ATP6V1E2: variants seen among roughly 807,000 people sequenced by gnomAD.
ATP6V1E2 encodes the protein ATPase H+ transporting V1 subunit E2, also known as V-type proton ATPase subunit E 2.
For synonymous variants in ATP6V1E2, 121 were observed against 104.2 expected, an observed-to-expected ratio of 1.16 and a Z score of -0.98; for missense variants, 308 against 273.3, an observed-to-expected ratio of 1.13 and a Z score of -0.90.
At chr2:46,528,787 G>A (rs185048720) in intron 4 of ATP6V1E2, among the ~76,000 whole-genome samples, 1 of 152,384 alleles carries the variant, frequency 6.6e-6, no homozygotes, top group East Asian at 1.9e-4. Flanking sequence ...GGATGTTGAT[G>A]AAGAGTTCTG....
chr2:46,538,594 C>T (rs1166460808), intron 2 of ATP6V1E2, among the ~76,000 whole-genome samples: 1 of 151,398 alleles, frequency 6.6e-6, no homozygotes, highest in Admixed American at 6.6e-5. Flanking sequence ...TCACAGATGG[C>T]CTGTTTACTC....
rs7557297 is a variant in ATP6V1E2, at chr2:46,524,571, A to C, written c.-102+11242T>G. Among the ~76,000 whole-genome samples the C allele has an allele frequency of 2.3e-3, 353 of 152,356 alleles. 3 individuals carry two copies. The highest frequency in any genetic ancestry group is 8.0e-3 in the African/African-American group (332 of 41,582). On this transcript the variant is annotated intron_variant, in intron 4 of 4. Transcript: ENST00000522587. ...ATAGGAGAAAAGCATCTGGCACTCA[A>C]AATGGGATGGGATAAGGGGCAGGAA... is the stretch of plus-strand genomic sequence containing the variant.
In ATP6V1E2 at chr2:46,530,257, T is replaced by G. The variant is rs1248864473; in HGVS notation, c.-102+5556A>C. On this transcript the variant is annotated intron_variant, in intron 4 of 4. Transcript: ENST00000522587. This position sits in a 1 kb window ranked among gnomAD's most constrained non-coding sequence, Gnocchi z 5.2. Reference sequence around the variant, plus strand: ...CAGGATGGCGCCAGGAGAGAAGCACTGGGCTGAACAGAAGCTGAGAAGAGG... The same window carrying G: ...CAGGATGGCGCCAGGAGAGAAGCACGGGGCTGAACAGAAGCTGAGAAGAGG... Among the ~76,000 whole-genome samples the G allele has an allele frequency of 1.3e-5, 2 of 152,098 alleles. No homozygotes were observed. Among genetic ancestry groups the G allele is most frequent in the Non-Finnish European group, 2.9e-5 (2 of 68,008 alleles).
chr2:46,522,701 A>T (rs1055500215), intron 4 of ATP6V1E2, among the ~76,000 whole-genome samples: 1 of 152,216 alleles, frequency 6.6e-6, no homozygotes, highest in Non-Finnish European at 1.5e-5. Flanking sequence ...CAATAAACAT[A>T]CATGTGCATG....
chr2:46,516,432 G>C (rs1687713108), intron 4 of ATP6V1E2, among the ~76,000 whole-genome samples: 1 of 152,040 alleles, frequency 6.6e-6, no homozygotes, highest in African/African-American at 2.4e-5. Context: ...AACAACCAAG[G>C]GTTAAAGAAT....
rs1687503311 is a variant in ATP6V1E2, at chr2:46,512,398, A to G, written c.314T>C (p.Ile105Thr). 4 of 1,614,156 alleles carry G rather than the reference A, an allele frequency of 2.5e-6. No homozygotes were observed. The highest frequency in any genetic ancestry group is 2.2e-5 in the East Asian group (1 of 44,878). ...CTGGTAGACCTCTGGGTCCTCCACA[A>G]TCCTGCTGAGTCTCAGCTTCGCCTC... ...LSEAKLRLSRIVEDPEVYQGL... is the reference protein window; with the variant it reads ...LSEAKLRLSRTVEDPEVYQGL... Residue 105 changes from isoleucine to threonine, a missense_variant, in exon 5 of 5, where the codon ATT becomes ACT. Physicochemically the swap from Ile to Thr is moderately conservative, Grantham distance 89. Transcript: ENST00000522587.
intron 4 of ATP6V1E2, among the ~76,000 whole-genome samples, chr2:46,523,595 T>G (rs766711102): frequency 1.3e-5 from 2 of 152,230 alleles, no homozygotes; most frequent in Non-Finnish European, 1.5e-5. Flanking sequence ...CCTATATGTC[T>G]GTTTTGGTAC....
At chr2:46,540,310 T>A (rs1667664703) in intron 2 of ATP6V1E2, among the ~76,000 whole-genome samples, 1 of 151,904 alleles carries the variant, frequency 6.6e-6, no homozygotes, top group Non-Finnish European at 1.5e-5. Context: ...TAATCCCAGC[T>A]ACTTGGAGGC....
rs188540685 is a variant in ATP6V1E2, at chr2:46,531,950, T to C, written c.-102+3863A>G. Reference sequence around the variant, plus strand: ...CTGGATGCTAGAGTCTTATGAGCTATTTAATTTGTAAGTATTTTCTCTCAT... The same window carrying C: ...CTGGATGCTAGAGTCTTATGAGCTACTTAATTTGTAAGTATTTTCTCTCAT... On this transcript the variant is annotated intron_variant, in intron 4 of 4. Coordinates refer to ENST00000522587, the MANE Select transcript of ATP6V1E2 (RefSeq NM_001318063.2). 2.0e-5 allele frequency among the ~76,000 whole-genome samples: 3 copies of C among 152,384 alleles called. No individual in the cohort carries two copies. The East Asian group carries it at 5.8e-4, about 29-fold the overall frequency.
intron 4 of ATP6V1E2, among the ~76,000 whole-genome samples, chr2:46,522,238 C>G (rs575980695): frequency 1.3e-5 from 2 of 149,370 alleles, no homozygotes; most frequent in Non-Finnish European, 1.5e-5. Flanking sequence ...GAACCAAGAC[C>G]GTGCCATTGC....
intron 4 of ATP6V1E2, among the ~76,000 whole-genome samples, chr2:46,520,198 G>A (rs967668570): frequency 2.6e-5 from 4 of 152,218 alleles, no homozygotes; most frequent in Non-Finnish European, 5.9e-5. Context: ...GGGCAGGGCA[G>A]GGTTAAAAGG....
Position 46,512,410 on chromosome 2 carries a change from C to G in ATP6V1E2, c.302G>C (p.Arg101Thr), listed in dbSNP as rs1045584339. ...TGGGTCCTCCACAATCCTGCTGAGT[C>G]TCAGCTTCGCCTCACTGAGCAAATC... ...ISDLLSEAKLRLSRIVEDPEV... is the reference protein window; with the variant it reads ...ISDLLSEAKLTLSRIVEDPEV... Residue 101 changes from arginine to threonine, a missense_variant, in exon 5 of 5, where the codon AGA becomes ACA. Transcript: ENST00000522587. The G allele has an allele frequency of 6.2e-7, 1 of 1,614,172 alleles. No individual in the cohort carries two copies. The highest frequency in any genetic ancestry group is 1.6e-4 in the Middle Eastern group (1 of 6,062).
chr2:46,542,540 TGCGCCGGCAGGGCCGC>T lies in ATP6V1E2; in HGVS notation c.-713_-698del, dbSNP rs1470126645. ...GCCCTCGCAGGGAGTGGGGCTCGGG[TGCGCCGGCAGGGCCGC>T]GCGGCGGCAGCAGGCGGGGGCGCGT... On this transcript the variant is annotated 5_prime_UTR_variant, in exon 1 of 5. Coordinates refer to ENST00000522587, the MANE Select transcript of ATP6V1E2 (RefSeq NM_001318063.2). 6.7e-6 allele frequency: 1 copy of T among 148,492 alleles called. No homozygotes were observed. The highest frequency in any genetic ancestry group is 2.4e-5 in the African/African-American group (1 of 40,912). The allele number at this position is 148,492 out of a possible 1,614,324, so 9.2% of individuals were successfully genotyped here. A position where few individuals can be genotyped will look rare whatever the true frequency, so the allele number is the denominator to read the frequency against.
Position 46,512,357 on chromosome 2 carries a change from G to C in ATP6V1E2, c.355C>G (p.Leu119Val), listed in dbSNP as rs550506430. ...PEVYQGLLDK[L>V]VLQGLLRLLE... ...AGTCGGAGCAGACCCTGGAGCACCA[G>C]TTTATCCAGCAGCCCCTGGTAGACC... The change falls in exon 5 of 5, where the codon CTG becomes GTG. Residue 119 changes from leucine to valine, a missense_variant. Coordinates refer to ENST00000522587, the MANE Select transcript of ATP6V1E2 (RefSeq NM_001318063.2). 1.2e-6 allele frequency: 2 copies of C among 1,614,062 alleles called. No homozygotes were observed. The highest frequency in any genetic ancestry group is 1.7e-6 in the Non-Finnish European group (2 of 1,180,010).
At chr2:46,528,262 C>T (rs1667023828) in intron 4 of ATP6V1E2, among the ~76,000 whole-genome samples, 1 of 152,308 alleles carries the variant, frequency 6.6e-6, no homozygotes, top group Non-Finnish European at 1.5e-5. Context: ...AGAAACACTG[C>T]ACTACAAGTT....
intron 4 of ATP6V1E2, among the ~76,000 whole-genome samples, chr2:46,533,672 T>C (rs1425323274): frequency 6.6e-6 from 1 of 152,252 alleles, no homozygotes; most frequent in Admixed American, 6.5e-5. Flanking sequence ...TTTCTTTGTG[T>C]AGGTCAGTGG....
At chr2:46,527,746 T>C (rs527381902) in intron 4 of ATP6V1E2, 1 of 152,322 alleles carries the variant, frequency 6.6e-6, no homozygotes, top group Non-Finnish European at 1.5e-5. Flanking sequence ...TGTGGTATCA[T>C]TGTGGTTTTG....
intron 2 of ATP6V1E2, among the ~76,000 whole-genome samples, chr2:46,537,192 C>T (rs1446792359): frequency 6.6e-6 from 1 of 152,174 alleles, no homozygotes; most frequent in Admixed American, 6.5e-5. Context: ...CATGCATTCC[C>T]CCAGACTTGT....
intron 2 of ATP6V1E2, chr2:46,537,436 A>C (rs1251625827): frequency 6.6e-6 from 1 of 152,258 alleles, no homozygotes; most frequent in East Asian, 1.9e-4. Flanking sequence ...GACTTTGTTC[A>C]ATGAGTGGGT....
Sources: gnomAD v4.1 joint callset for allele counts (sites outside exome capture counted in the v4.1 genomes callset) on GRCh38, gnomAD v4.1.1 for gene constraint, Gnocchi (gnomAD v3.1) non-coding constraint, MANE v1.5 for transcripts, NCBI Gene and HGNC (gene_info 2026-07-23, HGNC 2026-07-21) for gene names.